The following CNTN3 variants were observed in gnomAD, a reference collection of about 807,000 sequenced individuals.
CNTN3 encodes contactin 3.
A neutral mutation model predicts 119.1 loss-of-function variants in CNTN3; 60 were observed. The observed-to-expected ratio is 0.50, with a 90% CI of 0.41 to 0.62. The LOEUF is 0.62. Ranked by LOEUF, CNTN3 falls within the 20% of genes least tolerant of loss-of-function variation. The pLI, the probability that CNTN3 is intolerant of heterozygous loss-of-function variation, is 0.00. For missense variants in CNTN3, 1,101 were observed against 1,242.4 expected (o/e 0.89, Z 1.71); for synonymous variants, 450 against 438.7 (o/e 1.03, Z -0.32).
At chr3:74,564,776 G>T (rs535326993) in intron 1 of CNTN3, among the ~76,000 whole-genome samples, 37 of 151,872 alleles carry the variant, frequency 2.4e-4, no homozygotes, top group Middle Eastern at 3.4e-3. Flanking sequence ...TTTTCTCCTT[G>T]ATTCATCCAA....
intron 11 of CNTN3, among the ~76,000 whole-genome samples, chr3:74,344,368 A>C (rs1553647411): frequency 6.9e-6 from 1 of 144,694 alleles, no homozygotes. Flanking sequence ...ATCAATATTT[A>C]AGTAGTTCAT....
At chr3:74,281,627 C>T (rs945535132) in intron 20 of CNTN3, among the ~76,000 whole-genome samples, 1 of 152,086 alleles carries the variant, frequency 6.6e-6, no homozygotes. Context: ...GGATTATAGG[C>T]GTGAGTCCTC....
At chr3:74,270,327 G>A (rs1461551082) in intron 20 of CNTN3, among the ~76,000 whole-genome samples, 5 of 152,186 alleles carry the variant, frequency 3.3e-5, no homozygotes, top group Non-Finnish European at 1.5e-5. Flanking sequence ...TCATTGAAGA[G>A]TATGGTTTGC....
intron 1 of CNTN3, among the ~76,000 whole-genome samples, chr3:74,583,912 C>G (rs1000524344): frequency 6.6e-6 from 1 of 152,178 alleles, no homozygotes; most frequent in Non-Finnish European, 1.5e-5. Flanking sequence ...GACCTAACTT[C>G]TGGCCCTAGC....
chr3:74,279,785 T>C (rs1701961873), intron 20 of CNTN3, among the ~76,000 whole-genome samples: 1 of 151,106 alleles, frequency 6.6e-6, no homozygotes, highest in South Asian at 2.1e-4. Context: ...CACTAACCTA[T>C]GGAAAAATAA....
At chr3:74,318,557 G>C (rs1207991405) in intron 13 of CNTN3, among the ~76,000 whole-genome samples, 1 of 152,140 alleles carries the variant, frequency 6.6e-6, no homozygotes, top group African/African-American at 2.4e-5. Flanking sequence ...TAACGGACAG[G>C]ACCCTCAGCT....
intron 4 of CNTN3, among the ~76,000 whole-genome samples, chr3:74,455,091 C>T (rs542434412): frequency 0.013 from 1,922 of 152,190 alleles, 39 homozygotes; most frequent in African/African-American, 0.044. Context: ...GGATAATATC[C>T]TGCAGAGTGT....
At chr3:74,453,772 T>C (rs1702207342) in intron 4 of CNTN3, among the ~76,000 whole-genome samples, 1 of 151,726 alleles carries the variant, frequency 6.6e-6, no homozygotes, top group Admixed American at 6.6e-5. Context: ...TTTCGTTATG[T>C]ACCCAGTAGT....
chr3:74,345,646 A>G (rs578015386), intron 11 of CNTN3, among the ~76,000 whole-genome samples: 4 of 152,198 alleles, frequency 2.6e-5, no homozygotes, highest in Non-Finnish European at 4.4e-5. Flanking sequence ...TATGAGGAGT[A>G]TAAGTAGTAC....
intron 19 of CNTN3, among the ~76,000 whole-genome samples, chr3:74,292,584 A>T (rs1338692716): frequency 6.6e-6 from 1 of 152,172 alleles, no homozygotes; most frequent in Non-Finnish European, 1.5e-5. Flanking sequence ...AAATAGATAG[A>T]TAAATAAATA....
chr3:74,375,180 A>C (rs1420153695), intron 5 of CNTN3, among the ~76,000 whole-genome samples: 1 of 152,200 alleles, frequency 6.6e-6, no homozygotes, highest in African/African-American at 2.4e-5. Context: ...TCAAGAGAGT[A>C]AAGATCCTTG....
chr3:74,479,728 T>C (rs1398068157), intron 4 of CNTN3, among the ~76,000 whole-genome samples: 1 of 151,398 alleles, frequency 6.6e-6, no homozygotes, highest in East Asian at 1.9e-4. Flanking sequence ...TTAGAGTGAG[T>C]GATGGTGAAG....
chr3:74,610,486 T>A (rs560978257), intron 1 of CNTN3, among the ~76,000 whole-genome samples: 55 of 152,102 alleles, frequency 3.6e-4, no homozygotes, highest in South Asian at 3.3e-3. Context: ...TGAAAAAGGG[T>A]CTAAGAAGCT....
chr3:74,599,018 T>C (rs1039578494), intron 1 of CNTN3, among the ~76,000 whole-genome samples: 2 of 152,106 alleles, frequency 1.3e-5, no homozygotes, highest in African/African-American at 2.4e-5. Flanking sequence ...GAAAGGTAGC[T>C]ACACTGCTCA....
chr3:74,289,359 C>G (rs774976225), intron 19 of CNTN3, among the ~76,000 whole-genome samples: 5 of 152,160 alleles, frequency 3.3e-5, no homozygotes, highest in Non-Finnish European at 7.3e-5. Context: ...ATTTGCTACT[C>G]TTTACACAAA....
intron 1 of CNTN3, among the ~76,000 whole-genome samples, chr3:74,611,273 C>A (rs557419724): frequency 8.5e-5 from 13 of 152,172 alleles, no homozygotes; most frequent in Non-Finnish European, 1.5e-5. Flanking sequence ...CAAATATTTA[C>A]ATTCCAAGTA....
At chr3:74,291,680 T>G (rs1702235252) in intron 19 of CNTN3, among the ~76,000 whole-genome samples, 1 of 152,134 alleles carries the variant, frequency 6.6e-6, no homozygotes, top group African/African-American at 2.4e-5. Context: ...CGCCCAGCAG[T>G]GTTCATTTAT....
At chr3:74,574,798 C>G (rs1343463923) in intron 1 of CNTN3, among the ~76,000 whole-genome samples, 1 of 152,134 alleles carries the variant, frequency 6.6e-6, no homozygotes, top group East Asian at 1.9e-4. Flanking sequence ...TCTACATTAC[C>G]TCTATATACT....
rs141178354 is a variant in CNTN3 at position 74,446,284 on chromosome 3, G to T, written c.359-21344C>A. Among the ~76,000 whole-genome samples, 895 of 152,238 alleles carry T rather than the reference G, an allele frequency of 5.9e-3. 14 individuals are homozygous for T. The highest frequency in any genetic ancestry group is 0.021 in the African/African-American group (862 of 41,538). On this transcript the variant is annotated intron_variant, in intron 4 of 22. Coordinates refer to ENST00000263665, the MANE Select transcript of CNTN3 (RefSeq NM_020872.3). The stretch of plus-strand genomic sequence containing the variant: ...ATATGTGAAATTTTATTATGCACTG[G>T]ACACTGTTCTAAGTGACTTGCATGC...
Sources: allele counts gnomAD v4.1 joint callset (sites outside exome capture counted in the v4.1 genomes callset), GRCh38; gene constraint gnomAD v4.1.1; transcripts MANE v1.5; gene names NCBI Gene and HGNC (gene_info 2026-07-23, HGNC 2026-07-21).